The following MEAK7 variants were observed in gnomAD, a reference collection of about 807,000 sequenced individuals.
MEAK7 encodes MTOR-associated protein MEAK7.
A neutral mutation model predicts 40.5 loss-of-function variants in MEAK7; 68 were observed. The ratio of observed to expected loss-of-function variants is 1.68; its 90% CI spans 1.38 to 2.06. The LOEUF (loss-of-function observed/expected upper bound fraction) is 2.06, where lower values mean the gene tolerates loss of function less well. Ranked by LOEUF, MEAK7 falls within the 30% of genes most tolerant of loss-of-function variation. The probability of loss-of-function intolerance (pLI) is 0.00; values close to 1 mark genes in which losing one functional copy is unlikely to be tolerated. For missense variants in MEAK7, 918 were observed against 580.5 expected (o/e 1.58, Z -5.98); for synonymous variants, 338 against 231.9 (o/e 1.46, Z -4.16).
At chr16:84,500,575 G>T (rs1914415489) in intron 1 of MEAK7, among the ~76,000 whole-genome samples, 1 of 152,160 alleles carries the variant, frequency 6.6e-6, no homozygotes. Flanking sequence ...GGATGGGGGT[G>T]CACTTTACAC....
rs1226063849 is a variant in MEAK7, at chr16:84,486,801, C to A, written c.788G>T (p.Arg263Leu). The change falls in exon 5 of 8, where the codon CGG (arginine) becomes CTG (leucine). Residue 263 changes from arginine (R) to leucine (L), a missense_variant. Arg to Leu is a moderately radical substitution (Grantham distance 102). Transcript: ENST00000343629. ...CGAAAAGAGCAGGCACCAGCGGTGC[C>A]GCTGCTCCCGAGGCAGCTGGGCGTT... The part of the protein sequence containing the change: ...YINAQLPREQ[R>L]HRWCLLFSSE... 2 of 1,613,996 alleles carry A rather than the reference C, an allele frequency of 1.2e-6. No individual in the cohort carries two copies. Among genetic ancestry groups the A allele is most frequent in the Non-Finnish European group, 1.7e-6 (2 of 1,179,898 alleles).
rs536434099 is a variant in MEAK7 at position 84,495,550 on chromosome 16, T to A, written c.384+133A>T. On this transcript the variant is annotated intron_variant, in intron 3 of 7. Coordinates refer to ENST00000343629, the MANE Select transcript of MEAK7 (RefSeq NM_020947.4). ...TGCCCTTAACCTTGGCAAAATAAAC[T>A]CCGATTAATTGAAACCCAGCTCAAA... 1.0e-5 allele frequency: 8 copies of A among 801,040 alleles called. No individual in the cohort carries two copies. The Admixed American group carries it at 1.8e-4, about 18-fold the overall frequency. 49.6% of individuals were successfully genotyped at this position (801,040 alleles called of 1,614,324 possible).
At chr16:84,487,087 T>A in intron 4 of MEAK7, 28 bp from the exon 5 acceptor site, 1 of 1,587,402 alleles carries the variant, frequency 6.3e-7, no homozygotes, top group Non-Finnish European at 8.6e-7. Flanking sequence ...TCAGCATTAG[T>A]GGGGCTGTTA....
At position 84,477,134 on chromosome 16, in the gene MEAK7, A is replaced by T. The variant is rs188448501; in HGVS notation, c.*2779T>A. On this transcript the variant is annotated 3_prime_UTR_variant, in exon 8 of 8. Transcript: ENST00000343629. ...GGTCTTGAACTCCTGGGCTCAAGCA[A>T]TCGGCCTGCCTCAAGCTCCCAAAAT... 1 of 152,076 alleles carries T rather than the reference A, an allele frequency of 6.6e-6. No homozygotes were observed. Among genetic ancestry groups the T allele is most frequent in the African/African-American group, 2.4e-5 (1 of 41,304 alleles). 9.4% of individuals were successfully genotyped at this position (152,076 alleles called of 1,614,324 possible).
chr16:84,483,863 G>A (rs2097384961), intron 5 of MEAK7, among the ~76,000 whole-genome samples: 2 of 152,188 alleles, frequency 1.3e-5, no homozygotes, highest in Admixed American at 6.5e-5. Flanking sequence ...GGGCTTGAGA[G>A]CATCGGGTGG....
Position 84,478,458 on chromosome 16 carries a change from G to A in MEAK7, c.*1455C>T, listed in dbSNP as rs1912226570. The A allele has an allele frequency of 6.6e-6, 1 of 152,202 alleles. No individual in the cohort carries two copies. The highest frequency in any genetic ancestry group is 1.5e-5 in the Non-Finnish European group (1 of 68,040). 9.4% of individuals were successfully genotyped at this position (152,202 alleles called of 1,614,324 possible). On this transcript the variant is annotated 3_prime_UTR_variant, in exon 8 of 8. Coordinates refer to ENST00000343629, the MANE Select transcript of MEAK7 (RefSeq NM_020947.4). ...AAATGCGAACAGCTCGATTTACTAT[G>A]GCTTATAATCAAGGCAAACTATACA...
chr16:84,495,552 C>T (rs1410353306), intron 3 of MEAK7, 131 bp downstream of exon 3: 67 of 813,032 alleles, frequency 8.2e-5, no homozygotes, highest in East Asian at 2.3e-4. Flanking sequence ...AAATAAACTC[C>T]GATTAATTGA....
chr16:84,499,469 G>A (rs1371642877), intron 1 of MEAK7, among the ~76,000 whole-genome samples: 6 of 152,208 alleles, frequency 3.9e-5, no homozygotes, highest in Non-Finnish European at 7.3e-5. Flanking sequence ...ACCAAGCCAT[G>A]ACAACTCAAA....
At chr16:84,494,885 C>T in intron 3 of MEAK7, 1 of 436,910 alleles carries the variant, frequency 2.3e-6, no homozygotes. Context: ...TTCACTCTGC[C>T]AAAAGGAAAA....
chr16:84,486,306 G>A, intron 5 of MEAK7: 1 of 440,238 alleles, frequency 2.3e-6, no homozygotes, highest in Non-Finnish European at 3.3e-6. Flanking sequence ...GAAGGAAAAT[G>A]TCCGATCTGA....
At chr16:84,483,568 T>C (rs1912765856) in intron 5 of MEAK7, among the ~76,000 whole-genome samples, 1 of 152,140 alleles carries the variant, frequency 6.6e-6, no homozygotes, top group African/African-American at 2.4e-5. Context: ...GGGGGCACCA[T>C]GATGGAACGC....
chr16:84,499,246 A>C (rs756680448), intron 1 of MEAK7, among the ~76,000 whole-genome samples: 1 of 152,194 alleles, frequency 6.6e-6, no homozygotes, highest in Non-Finnish European at 1.5e-5. Flanking sequence ...CAAACAAAAA[A>C]TCTCTCAAGA....
chr16:84,498,075 G>A lies in MEAK7; in HGVS notation c.12C>T (p.Ser4=). 6.2e-7 allele frequency: 1 copy of A among 1,611,456 alleles called. No homozygotes were observed. ...AAAAGCTCCGCCCCACACGGCTTCT[G>A]CTGTTCCCCATCTGTCCTGATATCT... MGN[S]RSRVGRSFCS... Residue 4 remains serine, a synonymous_variant, in exon 2 of 8, where the codon AGC becomes AGT. Transcript: ENST00000343629.
intron 1 of MEAK7, chr16:84,500,023 CA>C (rs147893548): frequency 0.04 from 6,164 of 152,298 alleles, 165 homozygotes; most frequent in Non-Finnish European, 0.065. Context: ...GGTAAAAGGG[CA>C]AGACCCCGTC....
At chr16:84,484,236 T>C (rs1209737917) in intron 5 of MEAK7, among the ~76,000 whole-genome samples, 2 of 152,172 alleles carry the variant, frequency 1.3e-5, no homozygotes, top group African/African-American at 4.8e-5. Flanking sequence ...ATTCCCAGAA[T>C]ACAGGGCAAG....
intron 5 of MEAK7, among the ~76,000 whole-genome samples, chr16:84,485,846 T>G (rs1029035501): frequency 2.0e-5 from 3 of 152,100 alleles, no homozygotes; most frequent in Admixed American, 1.3e-4. Flanking sequence ...CACACCCATC[T>G]AATTTGTGTA....
intron 3 of MEAK7, among the ~76,000 whole-genome samples, chr16:84,490,669 T>TGTGTGTGTGTGTGTGC: frequency 6.7e-6 from 1 of 149,724 alleles, no homozygotes; most frequent in South Asian, 2.1e-4. Context: ...TGTGTGTGTG[T>TGTGTGTGTGTGTGTGC]GTGTGTGTGT....
intron 1 of MEAK7, among the ~76,000 whole-genome samples, chr16:84,501,044 G>A (rs1033863041): frequency 3.5e-5 from 5 of 142,046 alleles, no homozygotes; most frequent in Admixed American, 2.3e-4. Flanking sequence ...GCAGTGAGCC[G>A]AGACCACGCC....
rs763371279 is a variant in MEAK7 at position 84,498,071 on chromosome 16, T to G, written c.16A>C (p.Ser6Arg). Residue 6 changes from serine to arginine, a missense_variant, in exon 2 of 8, where the codon AGC becomes CGC. By Grantham distance (110) the Ser-to-Arg change is moderately radical. Transcript: ENST00000343629. ...GAACAAAAGCTCCGCCCCACACGGC[T>G]TCTGCTGTTCCCCATCTGTCCTGAT... MGNSR[S>R]RVGRSFCSQF... 6.2e-7 allele frequency: 1 copy of G among 1,612,016 alleles called. No individual in the cohort carries two copies. Among genetic ancestry groups the G allele is most frequent in the Non-Finnish European group, 8.5e-7 (1 of 1,178,832 alleles).
Sources: gnomAD v4.1 joint callset for allele counts (sites outside exome capture counted in the v4.1 genomes callset) on GRCh38, gnomAD v4.1.1 for gene constraint, MANE v1.5 for transcripts, NCBI Gene and HGNC (gene_info 2026-07-23, HGNC 2026-07-21) for gene names.